CHMP7: variants seen among roughly 807,000 people sequenced by gnomAD.
CHMP7 encodes charged multivesicular body protein 7.
A neutral mutation model predicts 53.7 loss-of-function variants in CHMP7; 15 were observed. The observed-to-expected ratio is 0.28, with a 90% confidence interval of 0.19 to 0.43. The LOEUF (loss-of-function observed/expected upper bound fraction) is 0.43, where lower values mean the gene tolerates loss of function less well. CHMP7 is among the 20% of genes least tolerant of loss of function. The pLI is 1.00. For synonymous variants in CHMP7, 261 were observed against 228.0 expected (o/e 1.14, Z -1.30); for missense variants, 527 against 569.4 (o/e 0.93, Z 0.76).
chr8:23,247,635 C>G (rs1014689306), intron 2 of CHMP7, among the ~76,000 whole-genome samples: 2 of 152,156 alleles, frequency 1.3e-5, no homozygotes, highest in Non-Finnish European at 1.5e-5. Flanking sequence ...CAGTACTTCC[C>G]AGCATGCAGA....
Position 23,246,603 on chromosome 8 carries a change from A to AGGT in CHMP7, c.-89_-87dup. Reference sequence around the variant, plus strand: ...CGGCGGTGACGTGTGAACGAGAAGGAGGTGGTCAAGGAACGGAAGCCGGGA... The same window carrying AGGT: ...CGGCGGTGACGTGTGAACGAGAAGGAGGTGGTGGTCAAGGAACGGAAGCCGGGA... On this transcript the variant is annotated 5_prime_UTR_variant, in exon 2 of 11. Transcript: ENST00000397677. The AGGT allele has an allele frequency of 9.6e-7, 1 of 1,045,020 alleles. No homozygotes were observed. The highest frequency in any genetic ancestry group is 1.6e-5 in the African/African-American group (1 of 63,344). The allele number at this position is 1,045,020 out of a possible 1,614,324, so 64.7% of individuals were successfully genotyped here.
chr8:23,258,962 C>A, intron 8 of CHMP7, 104 bp from the exon 9 acceptor site: 1 of 1,051,492 alleles, frequency 9.5e-7, no homozygotes, highest in Non-Finnish European at 1.5e-6. Flanking sequence ...CCTTGATTCT[C>A]ACTTGGGGCA....
At chr8:23,250,346 C>T (rs529902872) in intron 3 of CHMP7, among the ~76,000 whole-genome samples, 1 of 152,282 alleles carries the variant, frequency 6.6e-6, no homozygotes, top group East Asian at 1.9e-4. Context: ...TGCTCTGCGT[C>T]TACCCTGCCC....
chr8:23,247,621 T>C (rs1443765897), intron 2 of CHMP7, among the ~76,000 whole-genome samples: 1 of 152,146 alleles, frequency 6.6e-6, no homozygotes, highest in African/African-American at 2.4e-5. Flanking sequence ...AACTAATACA[T>C]GTACAGTACT....
chr8:23,244,686 A>G (rs1450642686), intron 1 of CHMP7, among the ~76,000 whole-genome samples: 1 of 152,170 alleles, frequency 6.6e-6, no homozygotes, highest in Admixed American at 6.5e-5. Flanking sequence ...ACTAGCCATG[A>G]TTTTCACTGG....
chr8:23,260,374 A>T, intron 10 of CHMP7, 51 bp downstream of exon 10: 1 of 1,601,808 alleles, frequency 6.2e-7, no homozygotes, highest in South Asian at 1.1e-5. Flanking sequence ...CTTCTGGCTG[A>T]CAGAGTTGAT....
intron 8 of CHMP7, 92 bp from the exon 9 acceptor site, chr8:23,258,974 G>A (rs963462040): frequency 9.4e-7 from 1 of 1,066,050 alleles, no homozygotes; most frequent in African/African-American, 1.6e-5. Flanking sequence ...CTTGGGGCAG[G>A]ATTGCTTTGT....
chr8:23,260,062 G>A (rs944406569), intron 9 of CHMP7, 82 bp from the exon 10 acceptor site: 4 of 1,168,508 alleles, frequency 3.4e-6, no homozygotes, highest in Non-Finnish European at 4.9e-6. Flanking sequence ...AAGCTAAGCG[G>A]GTTTTGGTAA....
At chr8:23,249,668 C>G (rs570031485) in intron 3 of CHMP7, among the ~76,000 whole-genome samples, 1 of 152,284 alleles carries the variant, frequency 6.6e-6, no homozygotes, top group East Asian at 1.9e-4. Flanking sequence ...AATGCTTTGC[C>G]TTCTGTAGTT....
intron 3 of CHMP7, among the ~76,000 whole-genome samples, chr8:23,251,432 C>CT (rs1474647650): frequency 6.6e-6 from 1 of 152,088 alleles, no homozygotes; most frequent in Admixed American, 6.6e-5. Context: ...TTTATGTTTC[C>CT]TTAATGGCTT....
intron 3 of CHMP7, among the ~76,000 whole-genome samples, chr8:23,251,180 G>A (rs1801915961): frequency 6.6e-6 from 1 of 152,144 alleles, no homozygotes; most frequent in African/African-American, 2.4e-5. Context: ...GTTTGTACTG[G>A]CAAACAAAGA....
Position 23,260,621 on chromosome 8 carries a change from C to A in CHMP7, c.*22C>A. On this transcript the variant is annotated 3_prime_UTR_variant, in exon 11 of 11. Coordinates refer to ENST00000397677, the MANE Select transcript of CHMP7 (RefSeq NM_152272.5). ...GTAGGACCCTCAAGTGAAGGACCCTCATGTAAAAGAGAGACCAGGCTTGCT... is the reference window on the plus strand; with the variant it reads ...GTAGGACCCTCAAGTGAAGGACCCTAATGTAAAAGAGAGACCAGGCTTGCT... 1 of 1,594,094 alleles carries A rather than the reference C, an allele frequency of 6.3e-7. No homozygotes were observed. The highest frequency in any genetic ancestry group is 1.1e-5 in the South Asian group (1 of 90,730).
chr8:23,248,137 C>T (rs1312269869), intron 2 of CHMP7: 3 of 456,118 alleles, frequency 6.6e-6, no homozygotes, highest in African/African-American at 2.0e-5. Context: ...AGATGGCATA[C>T]AGTGGAAACC....
Position 23,258,629 on chromosome 8 carries a change from G to T in CHMP7, c.961-103G>T, listed in dbSNP as rs906790305. ...GGTATAGGGTAAATTGAGCTTGGGT[G>T]CCAAAAAAAACACCCCAAAGCTGCC... On this transcript the variant is annotated intron_variant, in intron 7 of 10. Transcript: ENST00000397677. 17 of 1,211,228 alleles carry T rather than the reference G, an allele frequency of 1.4e-5. No individual in the cohort carries two copies. In the Admixed American group the frequency reaches 3.3e-4, roughly 24 times the overall value. The allele number at this position is 1,211,228 out of a possible 1,614,324, so 75.0% of individuals were successfully genotyped here.
intron 8 of CHMP7, 53 bp from the exon 9 acceptor site, chr8:23,259,013 A>T: frequency 8.1e-7 from 1 of 1,229,432 alleles, no homozygotes; most frequent in Non-Finnish European, 1.2e-6. Flanking sequence ...CCAAAGACTG[A>T]GATGCTCAGA....
intron 2 of CHMP7, chr8:23,248,132 G>A (rs1302969192): frequency 2.2e-6 from 1 of 456,168 alleles, no homozygotes; most frequent in East Asian, 6.9e-5. Context: ...TTCTGAGATG[G>A]CATACAGTGG....
At position 23,258,430 on chromosome 8, in the gene CHMP7, C is replaced by T; in HGVS notation, c.941C>T (p.Ala314Val). 2 of 1,614,060 alleles carry T rather than the reference C, an allele frequency of 1.2e-6. No homozygotes were observed. Among genetic ancestry groups the T allele is most frequent in the South Asian group, 2.2e-5 (2 of 91,076 alleles). The change falls in exon 7 of 11, where the codon GCC (alanine) becomes GTC (valine). Residue 314 changes from alanine to valine, a missense_variant. Transcript: ENST00000397677. ...CAAGGCATCCTGGACCGGATCTATG[C>T]CTCCCAGACAGATCAGATGGTAGTC... ...TVQGILDRIYASQTDQMVFNA... is the reference protein window; with the variant it reads ...TVQGILDRIYVSQTDQMVFNA...
At chr8:23,258,566 TG>T (rs1209307315) in intron 7 of CHMP7, 117 bp downstream of exon 7, 3 of 1,433,862 alleles carry the variant, frequency 2.1e-6, no homozygotes, top group Admixed American at 3.5e-5. Flanking sequence ...TGGCTGGGGT[TG>T]CCTTTGCCTT....
At position 23,260,226 on chromosome 8, in the gene CHMP7, C is replaced by G; in HGVS notation, c.1203C>G (p.Asn401Lys). Residue 401 changes from asparagine to lysine, a missense_variant, in exon 10 of 11, where the codon AAC (asparagine) becomes AAG (lysine). Asn to Lys is a moderately conservative substitution (Grantham distance 94). Transcript: ENST00000397677. ...AAGAACCTTTGGATCTGCCTGACAA[C>G]CCCCGCAATAGGCATTTTACCAACA... Reference protein sequence around the residue: ...TTKEPLDLPDNPRNRHFTNSV... With the variant: ...TTKEPLDLPDKPRNRHFTNSV... 6.2e-7 allele frequency: 1 copy of G among 1,614,158 alleles called. No homozygotes were observed. Among genetic ancestry groups the G allele is most frequent in the African/African-American group, 1.3e-5 (1 of 75,042 alleles).
Sources: gnomAD v4.1 joint callset for allele counts (sites outside exome capture counted in the v4.1 genomes callset) on GRCh38, gnomAD v4.1.1 for gene constraint, MANE v1.5 for transcripts, NCBI Gene and HGNC (gene_info 2026-07-23, HGNC 2026-07-21) for gene names.